The following INSL6 variants were observed in gnomAD, a reference collection of about 807,000 sequenced individuals.
INSL6 encodes insulin-like peptide INSL6.
Under a neutral mutation model 9.4 loss-of-function variants are expected in INSL6, and 16 were observed. That is an observed-to-expected ratio of 1.70 (90% CI 1.15 to 2.59). The LOEUF (loss-of-function observed/expected upper bound fraction) is 2.59. Ranked by LOEUF, INSL6 falls within the 30% of genes most tolerant of loss-of-function variation. The pLI is 0.00. For synonymous variants in INSL6, 154 were observed against 96.9 expected (o/e 1.59, Z -3.46); for missense variants, 391 against 257.3 (o/e 1.52, Z -3.56).
the INSL6 span, among the ~76,000 whole-genome samples, chr9:5,105,355 C>T: frequency 6.6e-5 from 10 of 151,678 alleles, no homozygotes; most frequent in South Asian, 1.2e-3. Context: ...ACAAGAGATG[C>T]GAAGGACCTC....
the INSL6 span, chr9:5,064,873 C>G: frequency 3.8e-5 from 58 of 1,518,990 alleles, 3 homozygotes; most frequent in South Asian, 7.4e-4. Context: ...TTTTTCTTTT[C>G]TCTGCTTAGG....
the INSL6 span, among the ~76,000 whole-genome samples, chr9:5,104,513 C>G: frequency 6.6e-6 from 1 of 152,210 alleles, no homozygotes; most frequent in Non-Finnish European, 1.5e-5. Flanking sequence ...CCTTCTGAAA[C>G]TATTCCAATC....
chr9:5,058,695 C>T, the INSL6 span, among the ~76,000 whole-genome samples: 1 of 152,174 alleles, frequency 6.6e-6, no homozygotes, highest in Non-Finnish European at 1.5e-5. Context: ...ACATGCTCAT[C>T]AAAACTTGTT....
chr9:5,068,005 C>G, the INSL6 span, among the ~76,000 whole-genome samples: 1 of 151,804 alleles, frequency 6.6e-6, no homozygotes, highest in East Asian at 1.9e-4. Context: ...ACCAAAATTA[C>G]AAAAATTAGC....
At chr9:5,041,718 G>A in the INSL6 span, 2 of 501,258 alleles carry the variant, frequency 4.0e-6, no homozygotes, top group South Asian at 3.0e-5. Flanking sequence ...TGAGTACGAG[G>A]GGCTCGGGAA....
At chr9:5,060,509 A>T in the INSL6 span, among the ~76,000 whole-genome samples, 1 of 152,214 alleles carries the variant, frequency 6.6e-6, no homozygotes, top group Non-Finnish European at 1.5e-5. Context: ...CCAGGACTAG[A>T]TTCCATCTCA....
At chr9:5,120,294 C>T (rs1015629466), downstream of INSL6, among the ~76,000 whole-genome samples, 1 of 152,204 alleles carries the variant, frequency 6.6e-6, no homozygotes, top group Non-Finnish European at 1.5e-5. Context: ...GTAATCATCT[C>T]TTAAAGGCCC....
the INSL6 span, chr9:5,086,149 C>G: frequency 4.0e-3 from 1,478 of 367,242 alleles, 19 homozygotes; most frequent in African/African-American, 0.031. Flanking sequence ...CCCCGCAAGG[C>G]TCGGGGAGCG....
the INSL6 span, among the ~76,000 whole-genome samples, chr9:5,064,433 G>C: frequency 2.0e-5 from 3 of 151,838 alleles, no homozygotes; most frequent in Admixed American, 2.0e-4. Flanking sequence ...ATGAGGGTGA[G>C]GTGGGTGGAT....
chr9:5,052,389 A>T, the INSL6 span, among the ~76,000 whole-genome samples: 1 of 152,024 alleles, frequency 6.6e-6, no homozygotes, highest in Non-Finnish European at 1.5e-5. Flanking sequence ...ATAAACACAG[A>T]TGCAAAATGC....
At chr9:5,077,631 A>G in the INSL6 span, 2 of 1,169,584 alleles carry the variant, frequency 1.7e-6, no homozygotes, top group Non-Finnish European at 2.3e-6. Context: ...TTTATAAAAC[A>G]ATATACAAAT....
chr9:5,117,779 G>A, the INSL6 span, among the ~76,000 whole-genome samples: 1 of 152,000 alleles, frequency 6.6e-6, no homozygotes, highest in Non-Finnish European at 1.5e-5. Flanking sequence ...TAATTTTTAA[G>A]AGTATACGAG....
intron 3 of INSL6, chr9:5,128,080 TTGTGTGTGTGTGTGTGTG>T (rs139964957): frequency 2.0e-4 from 45 of 224,686 alleles, no homozygotes; most frequent in South Asian, 3.8e-4. Context: ...ATGGTGGGTT[TTGTGTGTGTGTGTGTGTG>T]TGTGTGTGTG....
At chr9:5,077,508 G>C in the INSL6 span, 1 of 1,442,436 alleles carries the variant, frequency 6.9e-7, no homozygotes, top group Non-Finnish European at 9.3e-7. Flanking sequence ...ATCTGAAAAA[G>C]AATAAAAATT....
At chr9:5,022,144 G>T in the INSL6 span, 2 of 1,614,172 alleles carry the variant, frequency 1.2e-6, no homozygotes, top group Admixed American at 3.3e-5. Context: ...ATCTGAGGCA[G>T]ATTATCTGAC....
intron 1 of INSL6, among the ~76,000 whole-genome samples, chr9:5,170,833 T>C (rs1379501652): frequency 6.6e-6 from 1 of 152,092 alleles, no homozygotes; most frequent in Non-Finnish European, 1.5e-5. Context: ...AGTTCTGAAA[T>C]TGAGGCAGTA....
chr9:5,034,883 G>C, the INSL6 span, among the ~76,000 whole-genome samples: 2 of 151,954 alleles, frequency 1.3e-5, no homozygotes, highest in South Asian at 2.1e-4. Flanking sequence ...AAATAACTGA[G>C]ATCAGAGCAG....
At chr9:5,179,868 T>G (rs564916912) in intron 1 of INSL6, among the ~76,000 whole-genome samples, 109 of 151,918 alleles carry the variant, frequency 7.2e-4, no homozygotes, top group African/African-American at 2.5e-3. Context: ...GAAGGGAAAG[T>G]ATCAGGAGGA....
Position 5,130,814 on chromosome 9 carries a change from C to T in INSL6, c.*10+2611G>A, listed in dbSNP as rs567636256. On this transcript the variant is annotated intron_variant, in intron 3 of 3. Coordinates refer to the INSL6 transcript ENST00000649639. The stretch of plus-strand genomic sequence containing the variant: ...CGCGATCTCGGCTCACTGCAAGCTC[C>T]GCCTCCCGGGTTCATGCCATTCTCC... Among the ~76,000 whole-genome samples, 439 of 151,174 alleles carry T rather than the reference C, an allele frequency of 2.9e-3. 3 individuals carry two copies. Among genetic ancestry groups the T allele is most frequent in the African/African-American group, 0.01 (414 of 41,164 alleles).
Sources: allele counts gnomAD v4.1 joint callset (sites outside exome capture counted in the v4.1 genomes callset), GRCh38; gene constraint gnomAD v4.1.1; transcripts MANE v1.5; gene names NCBI Gene and HGNC (gene_info 2026-07-23, HGNC 2026-07-21).